Variants in PMFBP1 observed in about 807,000 individuals in gnomAD.
The protein encoded by PMFBP1 is polyamine modulated factor 1 binding protein 1.
Under a neutral mutation model 137.8 loss-of-function variants are expected in PMFBP1, and 131 were observed. The observed-to-expected ratio is 0.95, with a 90% CI of 0.82 to 1.10. The LOEUF (loss-of-function observed/expected upper bound fraction) is 1.10, where lower values mean the gene tolerates loss of function less well. Among genes scored for constraint, PMFBP1 ranks in the 50% least tolerant of loss-of-function variants. The pLI, the probability that PMFBP1 is intolerant of heterozygous loss-of-function variation, is 0.00. For synonymous variants in PMFBP1, 490 were observed against 450.4 expected, an observed-to-expected ratio of 1.09 and a Z score of -1.11; for missense variants, 1,199 against 1,175.4, an observed-to-expected ratio of 1.02 and a Z score of -0.29.
At chr16:72,189,962 T>A in the PMFBP1 span, among the ~76,000 whole-genome samples, 1 of 152,118 alleles carries the variant, frequency 6.6e-6, no homozygotes, top group East Asian at 1.9e-4. Context: ...ACTGGTTGAG[T>A]CATGAGTCAC....
At chr16:72,176,704 A>T (rs1310875199), upstream of PMFBP1, 3 of 152,214 alleles carry the variant, frequency 2.0e-5, no homozygotes, top group Non-Finnish European at 2.9e-5. Context: ...TATCTTGCTT[A>T]AGTAATGATT....
At chr16:72,125,003 A>G in intron 16 of PMFBP1, 69 bp from the exon 17 acceptor site, 3 of 1,566,742 alleles carry the variant, frequency 1.9e-6, no homozygotes, top group South Asian at 2.3e-5. Context: ...CCACAAGGCC[A>G]GAGGGTGCTT....
intron 19 of PMFBP1, among the ~76,000 whole-genome samples, chr16:72,121,106 C>T (rs2042371035): frequency 6.6e-6 from 1 of 152,168 alleles, no homozygotes; most frequent in African/African-American, 2.4e-5. Context: ...TATCTGTTAC[C>T]TTGAGAATCT....
chr16:72,118,754 G>A (rs1173318641), downstream of PMFBP1, among the ~76,000 whole-genome samples: 1 of 86,910 alleles, frequency 1.2e-5, no homozygotes, highest in Non-Finnish European at 2.6e-5. Context: ...TGTGGAGCCC[G>A]GTGGTGGGCG....
At chr16:72,124,007 C>A (rs2042415304) in intron 17 of PMFBP1, among the ~76,000 whole-genome samples, 1 of 152,092 alleles carries the variant, frequency 6.6e-6, no homozygotes. Context: ...GAAGAGATGC[C>A]TTCTTTTTCT....
chr16:72,132,335 G>C (rs1213442740), intron 10 of PMFBP1, among the ~76,000 whole-genome samples: 1 of 152,162 alleles, frequency 6.6e-6, no homozygotes, highest in Non-Finnish European at 1.5e-5. Flanking sequence ...CACAGTGCAA[G>C]CTGCACAGAA....
chr16:72,154,106 G>A lies in PMFBP1; in HGVS notation c.414+105C>T, dbSNP rs550072462. 6 of 1,433,588 alleles carry A rather than the reference G, an allele frequency of 4.2e-6. No individual in the cohort carries two copies. In the Admixed American group the frequency reaches 6.5e-5, roughly 15 times the overall value. 88.8% of individuals were successfully genotyped at this position (1,433,588 alleles called of 1,614,324 possible). On this transcript the variant is annotated intron_variant, in intron 4 of 20. Transcript: ENST00000237353. ...AAGGTTTATAAAACCTGCTCGGGAT[G>A]TTGCAAAGCTCTCCTAAGTCCAGCG...
At chr16:72,147,494 C>A (rs2042827386) in intron 5 of PMFBP1, among the ~76,000 whole-genome samples, 3 of 152,162 alleles carry the variant, frequency 2.0e-5, no homozygotes, top group African/African-American at 7.2e-5. Context: ...ACACCAATAG[C>A]AATGGCAACT....
At chr16:72,227,090 A>G in the PMFBP1 span, among the ~76,000 whole-genome samples, 2 of 151,912 alleles carry the variant, frequency 1.3e-5, no homozygotes, top group African/African-American at 4.8e-5. Context: ...TTTCATTTGT[A>G]GAAAAAAAAA....
chr16:72,244,101 C>T, the PMFBP1 span, among the ~76,000 whole-genome samples: 2 of 152,102 alleles, frequency 1.3e-5, no homozygotes, highest in African/African-American at 2.4e-5. Flanking sequence ...AACAATTAAA[C>T]GTGTGCTCAA....
chr16:72,140,314 C>A (rs185701896), intron 6 of PMFBP1, 98 bp downstream of exon 6: 5 of 1,275,024 alleles, frequency 3.9e-6, no homozygotes, highest in Admixed American at 4.1e-5. Context: ...GGATTCTCGG[C>A]GAAAAAGATT....
rs965114486 is a variant in PMFBP1, at chr16:72,130,562, C to G, written c.1608G>C (p.Ser536=). The G allele has an allele frequency of 6.2e-7, 1 of 1,614,086 alleles. No individual in the cohort carries two copies. Among genetic ancestry groups the G allele is most frequent in the South Asian group, 1.1e-5 (1 of 91,070 alleles). Residue 536 remains serine (S), a synonymous_variant, in exon 11 of 21, where the codon TCG becomes TCC. Coordinates refer to ENST00000237353, the MANE Select transcript of PMFBP1 (RefSeq NM_031293.3). ...RELQMLQKES[S]MAEKEQTSNR... is the part of the protein sequence containing the mutation. ...TGGAGGTTTGTTCCTTCTCAGCCAT[C>G]GAGGACTCCTTCTGCAGCATCTGAA...
intron 9 of PMFBP1, among the ~76,000 whole-genome samples, chr16:72,133,245 C>T (rs2042575811): frequency 6.6e-6 from 1 of 152,090 alleles, no homozygotes; most frequent in Admixed American, 6.5e-5. Flanking sequence ...AGTGCAATAG[C>T]ATGATCTTGG....
At chr16:72,234,291 G>C in the PMFBP1 span, among the ~76,000 whole-genome samples, 1 of 152,120 alleles carries the variant, frequency 6.6e-6, no homozygotes. Context: ...CAAATCATCC[G>C]ACAGTGCACA....
At chr16:72,240,198 C>T in the PMFBP1 span, among the ~76,000 whole-genome samples, 18 of 152,290 alleles carry the variant, frequency 1.2e-4, no homozygotes, top group Admixed American at 3.3e-4. Context: ...GCTGTACCTG[C>T]TAAAGACCTA....
chr16:72,248,262 G>A, the PMFBP1 span, among the ~76,000 whole-genome samples: 2 of 152,208 alleles, frequency 1.3e-5, no homozygotes, highest in African/African-American at 2.4e-5. Flanking sequence ...CTACAACTAG[G>A]AAGTGTGTTG....
At chr16:72,217,292 T>C in the PMFBP1 span, among the ~76,000 whole-genome samples, 3 of 152,274 alleles carry the variant, frequency 2.0e-5, no homozygotes, top group African/African-American at 7.2e-5. Flanking sequence ...TTATAATTAA[T>C]AATATTATAA....
chr16:72,158,156 G>A (rs1296005229), intron 3 of PMFBP1, among the ~76,000 whole-genome samples: 1 of 152,104 alleles, frequency 6.6e-6, no homozygotes, highest in Non-Finnish European at 1.5e-5. Flanking sequence ...AGGCTCTCTT[G>A]GAAGTGTCTC....
the PMFBP1 span, among the ~76,000 whole-genome samples, chr16:72,215,276 A>G: frequency 6.6e-6 from 1 of 152,268 alleles, no homozygotes; most frequent in Non-Finnish European, 1.5e-5. Flanking sequence ...AGTCCCAAAC[A>G]TGACAAAACA....
Sources: gnomAD v4.1 joint callset for allele counts (sites outside exome capture counted in the v4.1 genomes callset) on GRCh38, gnomAD v4.1.1 for gene constraint, MANE v1.5 for transcripts, NCBI Gene and HGNC (gene_info 2026-07-23, HGNC 2026-07-21) for gene names.